Variants in EYS observed in about 807,000 individuals in gnomAD.
EYS encodes the protein protein eyes shut homolog.
EYS carries 250 observed loss-of-function variants against 282.1 expected under a neutral mutation model. The ratio of observed to expected loss-of-function variants is 0.89; its 90% CI spans 0.80 to 0.98. EYS has a LOEUF of 0.98. Among genes scored for constraint, EYS ranks in the 50% least tolerant of loss-of-function variants. The probability of loss-of-function intolerance (pLI) is 0.00; values close to 1 mark genes in which losing one functional copy is unlikely to be tolerated. For missense variants in EYS, 4,016 were observed against 3,709.0 expected (o/e 1.08, Z -2.15); for synonymous variants, 1,355 against 1,282.9 (o/e 1.06, Z -1.20).
intron 39 of EYS, 70 bp downstream of exon 39, chr6:63,788,035 T>G: frequency 8.2e-7 from 1 of 1,216,066 alleles, no homozygotes; most frequent in Non-Finnish European, 1.1e-6. Context: ...AGAAGTATAC[T>G]CTTTAAAATA....
chr6:64,416,077 C>A (rs1468410531), intron 28 of EYS, among the ~76,000 whole-genome samples: 1 of 152,132 alleles, frequency 6.6e-6, no homozygotes, highest in Non-Finnish European at 1.5e-5. Context: ...TCCTAGAAAA[C>A]TGAATTGGAG....
chr6:63,742,006 C>G, intron 41 of EYS: 1 of 701,348 alleles, frequency 1.4e-6, no homozygotes, highest in East Asian at 2.7e-5. Context: ...TCTTTTTTGT[C>G]TGCTGCTATT....
chr6:63,753,138 GTGTATATATA>G (rs1562009719), intron 41 of EYS, among the ~76,000 whole-genome samples: 1 of 64,326 alleles, frequency 1.6e-5, no homozygotes, highest in African/African-American at 9.1e-5. Context: ...ATGTGTGTGT[GTGTATATATA>G]TATATATATA....
intron 11 of EYS, among the ~76,000 whole-genome samples, chr6:65,309,539 G>GAC (rs1769100151): frequency 1.3e-5 from 2 of 152,122 alleles, no homozygotes; most frequent in African/African-American, 4.8e-5. Context: ...TGTCACTGAG[G>GAC]AGCTTATAGC....
At chr6:64,564,759 G>A (rs939438834) in intron 26 of EYS, among the ~76,000 whole-genome samples, 21 of 151,814 alleles carry the variant, frequency 1.4e-4, no homozygotes, top group Admixed American at 1.4e-3. Context: ...GACACAGGGA[G>A]GGAAACATCA....
At chr6:63,763,485 A>G (rs1261443985) in intron 40 of EYS, among the ~76,000 whole-genome samples, 1 of 152,018 alleles carries the variant, frequency 6.6e-6, no homozygotes, top group Non-Finnish European at 1.5e-5. Flanking sequence ...TGTAGTTGGC[A>G]TAATCCCCAT....
chr6:65,476,979 A>C (rs563119514), intron 5 of EYS, among the ~76,000 whole-genome samples: 11 of 152,320 alleles, frequency 7.2e-5, no homozygotes, highest in African/African-American at 2.4e-4. Flanking sequence ...TATTCATGCT[A>C]ATCAAATCAA....
At chr6:65,482,783 T>G (rs1171996510) in intron 5 of EYS, among the ~76,000 whole-genome samples, 1 of 152,216 alleles carries the variant, frequency 6.6e-6, no homozygotes, top group Non-Finnish European at 1.5e-5. Flanking sequence ...CTTTTTAACA[T>G]CACTCATCTT....
At chr6:65,381,908 T>G (rs906011276) in intron 8 of EYS, among the ~76,000 whole-genome samples, 1 of 151,990 alleles carries the variant, frequency 6.6e-6, no homozygotes, top group African/African-American at 2.4e-5. Flanking sequence ...CTGTTTTACA[T>G]AAAAGTAAGG....
At chr6:64,632,786 A>G (rs990403738) in intron 22 of EYS, among the ~76,000 whole-genome samples, 4 of 152,156 alleles carry the variant, frequency 2.6e-5, no homozygotes, top group Non-Finnish European at 5.9e-5. Flanking sequence ...TGATCTGAGC[A>G]GAATGGTCTT....
intron 28 of EYS, among the ~76,000 whole-genome samples, chr6:64,422,529 G>T (rs1221760284): frequency 6.6e-6 from 1 of 152,182 alleles, no homozygotes. Context: ...GGATGCCTCA[G>T]GGAGGAAACA....
chr6:65,066,982 T>C (rs1314304752), intron 12 of EYS, among the ~76,000 whole-genome samples: 1 of 152,124 alleles, frequency 6.6e-6, no homozygotes, highest in Non-Finnish European at 1.5e-5. Context: ...TCATGGTCTT[T>C]TACTAATTCT....
At chr6:64,358,200 A>AT in intron 29 of EYS, among the ~76,000 whole-genome samples, 1 of 151,610 alleles carries the variant, frequency 6.6e-6, no homozygotes, top group Middle Eastern at 3.4e-3. Flanking sequence ...ATCTGTGTCC[A>AT]TGGGTGTTTG....
chr6:63,964,726 C>G (rs780297432), intron 35 of EYS, among the ~76,000 whole-genome samples: 1 of 152,170 alleles, frequency 6.6e-6, no homozygotes, highest in Non-Finnish European at 1.5e-5. Flanking sequence ...GCAAATAGAG[C>G]AAAACATGAA....
chr6:65,652,997 G>A (rs993245555), intron 1 of EYS, among the ~76,000 whole-genome samples: 2 of 151,852 alleles, frequency 1.3e-5, no homozygotes, highest in Admixed American at 6.6e-5. Flanking sequence ...AGGGATAAAC[G>A]AAGAGGAGGT....
At chr6:64,422,098 G>A (rs1056404113) in intron 28 of EYS, among the ~76,000 whole-genome samples, 9 of 152,108 alleles carry the variant, frequency 5.9e-5, no homozygotes, top group Non-Finnish European at 1.2e-4. Flanking sequence ...AGTATCAATA[G>A]TGCTGAGCTA....
chr6:64,421,968 CACA>C (rs569960863), intron 28 of EYS, among the ~76,000 whole-genome samples: 23 of 151,604 alleles, frequency 1.5e-4, no homozygotes, highest in Middle Eastern at 3.4e-3. Flanking sequence ...AGAAACATTT[CACA>C]ACAACTGGAA....
intron 12 of EYS, among the ~76,000 whole-genome samples, chr6:65,194,101 T>C (rs1169301463): frequency 6.6e-6 from 1 of 151,946 alleles, no homozygotes; most frequent in Admixed American, 6.6e-5. Context: ...TGCTTAGGGC[T>C]ACTGCCTAAA....
At chr6:64,754,527 CA>C (rs1040420925) in intron 22 of EYS, among the ~76,000 whole-genome samples, 1 of 151,598 alleles carries the variant, frequency 6.6e-6, no homozygotes, top group African/African-American at 2.4e-5. Context: ...GACAAGTACA[CA>C]ACAAAAAAAG....
Sources: gnomAD v4.1 joint callset for allele counts (sites outside exome capture counted in the v4.1 genomes callset) on GRCh38, gnomAD v4.1.1 for gene constraint, MANE v1.5 for transcripts, NCBI Gene and HGNC (gene_info 2026-07-23, HGNC 2026-07-21) for gene names.